Variants in WWOX observed in about 807,000 individuals in gnomAD.
The protein encoded by WWOX is WW domain-containing oxidoreductase.
Under a neutral mutation model 46.2 loss-of-function variants are expected in WWOX, and 69 were observed. That is an observed-to-expected ratio of 1.49 (90% confidence interval 1.23 to 1.82). WWOX has a LOEUF of 1.82. Ranked by LOEUF, WWOX falls within the 40% of genes most tolerant of loss-of-function variation. WWOX has a pLI of 0.00. For synonymous variants in WWOX, 359 were observed against 202.6 expected (o/e 1.77, Z -6.56); for missense variants, 919 against 542.6 (o/e 1.69, Z -6.89).
chr16:78,786,425 G>A (rs1285830751), intron 8 of WWOX, among the ~76,000 whole-genome samples: 1 of 152,154 alleles, frequency 6.6e-6, no homozygotes, highest in Admixed American at 6.5e-5. Flanking sequence ...ATGACTTCAA[G>A]AGCATAGGTA....
At chr16:78,245,263 G>A (rs866439953) in intron 5 of WWOX, among the ~76,000 whole-genome samples, 1 of 152,112 alleles carries the variant, frequency 6.6e-6, no homozygotes, top group African/African-American at 2.4e-5. Context: ...GAGGAACCAC[G>A]GTTTAGTTCA....
intron 8 of WWOX, among the ~76,000 whole-genome samples, chr16:78,852,733 G>C (rs1456441434): frequency 6.6e-6 from 1 of 152,140 alleles, no homozygotes; most frequent in Non-Finnish European, 1.5e-5. Context: ...CTGCCTACAG[G>C]ATAAATAATG....
intron 8 of WWOX, among the ~76,000 whole-genome samples, chr16:79,036,711 G>T (rs1236939221): frequency 6.6e-6 from 1 of 152,212 alleles, no homozygotes; most frequent in Non-Finnish European, 1.5e-5. Context: ...TGCTGGGATT[G>T]ATTAGTGATG....
intron 8 of WWOX, among the ~76,000 whole-genome samples, chr16:78,735,825 CAG>C (rs1300074363): frequency 9.9e-5 from 15 of 152,204 alleles, no homozygotes; most frequent in African/African-American, 3.1e-4. Context: ...CTTTGTGAAT[CAG>C]GGGATGCTCC....
intron 4 of WWOX, among the ~76,000 whole-genome samples, chr16:78,135,492 T>C (rs2033757017): frequency 1.3e-5 from 2 of 152,214 alleles, no homozygotes; most frequent in African/African-American, 2.4e-5. Context: ...TTTGTTAATG[T>C]TGTTTAGATA....
chr16:78,689,817 C>A (rs370092060), intron 8 of WWOX, among the ~76,000 whole-genome samples: 20 of 152,278 alleles, frequency 1.3e-4, no homozygotes, highest in African/African-American at 4.1e-4. Context: ...ATAAAGTCTT[C>A]CTTACCATTT....
chr16:78,469,724 T>C (rs1343271839), intron 8 of WWOX, among the ~76,000 whole-genome samples: 2 of 152,204 alleles, frequency 1.3e-5, no homozygotes, highest in Non-Finnish European at 2.9e-5. Context: ...GGTTGTGTTT[T>C]TTTTCCTCTC....
intron 8 of WWOX, among the ~76,000 whole-genome samples, chr16:78,563,815 T>C (rs35853810): frequency 0.18 from 28,039 of 152,128 alleles, 3,616 homozygotes; most frequent in African/African-American, 0.37. Flanking sequence ...GTCCCCTGCA[T>C]ATGTACATCC....
intron 8 of WWOX, among the ~76,000 whole-genome samples, chr16:78,879,039 C>A (rs1376186523): frequency 1.3e-5 from 2 of 151,908 alleles, no homozygotes; most frequent in African/African-American, 4.8e-5. Flanking sequence ...TACACTTCAC[C>A]CTGGATCTGG....
chr16:78,861,598 T>G (rs1209231464), intron 8 of WWOX, among the ~76,000 whole-genome samples: 1 of 152,180 alleles, frequency 6.6e-6, no homozygotes, highest in African/African-American at 2.4e-5. Flanking sequence ...AAAATGATAA[T>G]TACAGTATCA....
At chr16:79,188,596 A>G (rs2051066426) in intron 8 of WWOX, among the ~76,000 whole-genome samples, 1 of 152,172 alleles carries the variant, frequency 6.6e-6, no homozygotes, top group Non-Finnish European at 1.5e-5. Context: ...TCTCAGTTAA[A>G]TGTTTATCTA....
intron 5 of WWOX, among the ~76,000 whole-genome samples, chr16:78,198,977 G>A (rs569319729): frequency 4.0e-5 from 6 of 151,844 alleles, no homozygotes; most frequent in East Asian, 1.9e-4. Flanking sequence ...CCTTTCACCC[G>A]TAACTTCTGC....
chr16:78,130,532 G>A (rs1197634348), intron 4 of WWOX, among the ~76,000 whole-genome samples: 2 of 152,304 alleles, frequency 1.3e-5, no homozygotes, highest in East Asian at 3.9e-4. Context: ...TGTCTATCAA[G>A]GAACATAGTT....
rs1223551948 is a variant in WWOX at position 78,626,100 on chromosome 16, C to G, written c.1056+193348C>G. On this transcript the variant is annotated intron_variant, in intron 8 of 8. Transcript: ENST00000566780. ...TTTTACCTAATGACTTTTTTGTGTT[C>G]CAGGAGCCCATCCAGGATACCACTT... 4.6e-5 allele frequency among the ~76,000 whole-genome samples: 7 copies of G among 151,480 alleles called. No individual in the cohort carries two copies. The East Asian group carries it at 1.2e-3, about 25-fold the overall frequency.
At chr16:78,708,553 G>A (rs1468171579) in intron 8 of WWOX, among the ~76,000 whole-genome samples, 2 of 152,154 alleles carry the variant, frequency 1.3e-5, no homozygotes, top group East Asian at 1.9e-4. Context: ...CATGACAACT[G>A]CCCTGAAAGT....
In WWOX at chr16:79,002,213, CTTTTTTTTTTTTT is replaced by C. The variant is rs67180105; in HGVS notation, c.1057-209380_1057-209368del. 1.9e-4 allele frequency among the ~76,000 whole-genome samples: 8 copies of C among 41,302 alleles called. 1 individual carries two copies. The highest frequency in any genetic ancestry group is 1.4e-3 in the South Asian group (1 of 698). The allele number at this position is 41,302 out of a possible 152,430, so 27.1% of individuals were successfully genotyped here. On this transcript the variant is annotated intron_variant, in intron 8 of 8. Coordinates refer to ENST00000566780, the MANE Select transcript of WWOX (RefSeq NM_016373.4). ...ATTTAGATTTCCTTGGGTGTCCTGC[CTTTTTTTTTTTTT>C]TTTTTTTTTTTTTTGAGATGGAGTT...
intron 8 of WWOX, among the ~76,000 whole-genome samples, chr16:79,116,272 G>T (rs1262344078): frequency 1.3e-5 from 2 of 152,070 alleles, no homozygotes; most frequent in Non-Finnish European, 2.9e-5. Context: ...CTTGCTGCAT[G>T]GATTGACTCT....
intron 8 of WWOX, among the ~76,000 whole-genome samples, chr16:78,842,562 T>G (rs1028230346): frequency 6.6e-6 from 1 of 152,080 alleles, no homozygotes; most frequent in Non-Finnish European, 1.5e-5. Context: ...TTGGAAACAG[T>G]GTACATAGAA....
At chr16:78,329,679 C>G (rs560035573) in intron 5 of WWOX, among the ~76,000 whole-genome samples, 30 of 152,062 alleles carry the variant, frequency 2.0e-4, no homozygotes, top group African/African-American at 7.2e-4. Context: ...GTTATTCTTG[C>G]CAATGTAGCC....
Sources: gnomAD v4.1 joint callset for allele counts (sites outside exome capture counted in the v4.1 genomes callset) on GRCh38, gnomAD v4.1.1 for gene constraint, MANE v1.5 for transcripts, NCBI Gene and HGNC (gene_info 2026-07-23, HGNC 2026-07-21) for gene names.